Variants in DLGAP1 observed in about 807,000 individuals in gnomAD.
The protein encoded by DLGAP1 is DLG associated protein 1.
Under a neutral mutation model 90.8 loss-of-function variants are expected in DLGAP1, and 11 were observed. That is an observed-to-expected ratio of 0.12 (90% CI 0.08 to 0.20). The LOEUF (loss-of-function observed/expected upper bound fraction) is 0.20. DLGAP1 is among the 10% of genes least tolerant of loss of function. DLGAP1 has a pLI of 1.00. For synonymous variants in DLGAP1, 558 were observed against 540.7 expected, an observed-to-expected ratio of 1.03 and a Z score of -0.44; for missense variants, 1,050 against 1,333.8, an observed-to-expected ratio of 0.79 and a Z score of 3.31.
intron 1 of DLGAP1, among the ~76,000 whole-genome samples, chr18:4,249,493 A>G (rs2078732984): frequency 6.7e-6 from 1 of 150,150 alleles, no homozygotes; most frequent in African/African-American, 2.4e-5. Flanking sequence ...TGCATATTAG[A>G]TATGCTTACC....
At chr18:4,047,288 A>G (rs1034965732) in intron 2 of DLGAP1, among the ~76,000 whole-genome samples, 2 of 152,250 alleles carry the variant, frequency 1.3e-5, no homozygotes, top group Non-Finnish European at 2.9e-5. Flanking sequence ...ATCAATCTGT[A>G]TGTGGCAAAT....
chr18:3,778,729 G>A (rs886474531), intron 5 of DLGAP1, among the ~76,000 whole-genome samples: 2 of 152,098 alleles, frequency 1.3e-5, no homozygotes, highest in African/African-American at 2.4e-5. Context: ...GCATGGATAC[G>A]GGAAAGAGGA....
intron 1 of DLGAP1, among the ~76,000 whole-genome samples, chr18:4,198,135 G>A (rs989154957): frequency 6.6e-6 from 1 of 152,124 alleles, no homozygotes; most frequent in African/African-American, 2.4e-5. Context: ...GAGGCAGAAT[G>A]GCGTGAATCC....
At position 3,526,658 on chromosome 18, in the gene DLGAP1, C is replaced by T. The variant is rs1005037501; in HGVS notation, c.2479+7536G>A. The stretch of plus-strand genomic sequence containing the variant: ...AAGACAGATTTAGAAGTACAATCAC[C>T]GGTATTTCATCTTAGGGCCATTGAA... On this transcript the variant is annotated intron_variant, in intron 10 of 12. Coordinates refer to ENST00000315677, the MANE Select transcript of DLGAP1 (RefSeq NM_004746.4). The surrounding 1 kb of genome is among the most constrained non-coding windows in gnomAD (Gnocchi z 4.7). Among the ~76,000 whole-genome samples, 1 of 152,212 alleles carries T rather than the reference C, an allele frequency of 6.6e-6. No individual in the cohort carries two copies. The highest frequency in any genetic ancestry group is 2.4e-5 in the African/African-American group (1 of 41,440).
At chr18:4,040,575 T>A (rs1468146302) in intron 2 of DLGAP1, among the ~76,000 whole-genome samples, 2 of 152,214 alleles carry the variant, frequency 1.3e-5, no homozygotes, top group African/African-American at 4.8e-5. Flanking sequence ...ATTAGTAGTT[T>A]CTTTGCTATC....
intron 1 of DLGAP1, among the ~76,000 whole-genome samples, chr18:4,274,137 A>G (rs1390554715): frequency 1.3e-5 from 2 of 151,874 alleles, no homozygotes; most frequent in Non-Finnish European, 2.9e-5. Flanking sequence ...CTTTTTTCAC[A>G]AAAGCCCTTA....
intron 1 of DLGAP1, among the ~76,000 whole-genome samples, chr18:4,190,560 A>G (rs1427283458): frequency 1.3e-5 from 2 of 152,168 alleles, no homozygotes; most frequent in Admixed American, 1.3e-4. Flanking sequence ...TAGCTCATCA[A>G]TTGTAACAAA....
At chr18:3,788,132 A>T (rs999672882) in intron 5 of DLGAP1, among the ~76,000 whole-genome samples, 1 of 152,158 alleles carries the variant, frequency 6.6e-6, no homozygotes, top group Non-Finnish European at 1.5e-5. Context: ...ACACTTCTCC[A>T]TCCTCTTTTC....
intron 1 of DLGAP1, among the ~76,000 whole-genome samples, chr18:4,181,804 G>A (rs2077212952): frequency 6.6e-6 from 1 of 151,990 alleles, no homozygotes; most frequent in Non-Finnish European, 1.5e-5. Flanking sequence ...GGTAGATAAT[G>A]TTTTGTTTGC....
chr18:3,870,777 A>G (rs1365834099), intron 4 of DLGAP1, among the ~76,000 whole-genome samples: 2 of 152,180 alleles, frequency 1.3e-5, no homozygotes, highest in Non-Finnish European at 2.9e-5. Context: ...TGTCTTCAAA[A>G]TCTAACCAGG....
intron 1 of DLGAP1, among the ~76,000 whole-genome samples, chr18:4,404,679 T>C (rs976872215): frequency 2.6e-5 from 4 of 152,218 alleles, no homozygotes; most frequent in Non-Finnish European, 5.9e-5. Context: ...CTTTTCAAAG[T>C]CTTTCAAAGG....
At chr18:3,664,054 C>T (rs1428598407) in intron 7 of DLGAP1, among the ~76,000 whole-genome samples, 2 of 152,154 alleles carry the variant, frequency 1.3e-5, no homozygotes, top group Non-Finnish European at 2.9e-5. Flanking sequence ...GGAACTTACA[C>T]AATTGTTCTC....
intron 3 of DLGAP1, among the ~76,000 whole-genome samples, chr18:3,936,650 C>A (rs757257032): frequency 1.2e-4 from 18 of 152,138 alleles, no homozygotes; most frequent in Non-Finnish European, 2.2e-4. Context: ...ATCACCTTTG[C>A]ATAATTTCTG....
intron 1 of DLGAP1, among the ~76,000 whole-genome samples, chr18:4,235,508 C>G (rs994150035): frequency 2.6e-5 from 4 of 151,834 alleles, no homozygotes; most frequent in Admixed American, 2.6e-4. Context: ...TTGTTTGAAC[C>G]TGCTGTTTTT....
At chr18:4,239,814 T>A (rs1330081386) in intron 1 of DLGAP1, among the ~76,000 whole-genome samples, 1 of 152,192 alleles carries the variant, frequency 6.6e-6, no homozygotes, top group African/African-American at 2.4e-5. Context: ...AAAGAGAGAT[T>A]ACTACTTTTC....
intron 7 of DLGAP1, chr18:3,655,678 C>A: frequency 6.0e-6 from 1 of 168,028 alleles, no homozygotes; most frequent in Non-Finnish European, 1.3e-5. Flanking sequence ...TGCTCACATA[C>A]TTCCTGGGCA....
At chr18:4,116,927 A>G (rs2076072591) in intron 2 of DLGAP1, among the ~76,000 whole-genome samples, 1 of 152,170 alleles carries the variant, frequency 6.6e-6, no homozygotes, top group South Asian at 2.1e-4. Flanking sequence ...TATGGGATGA[A>G]GTGTTTCTCC....
In DLGAP1 at chr18:3,581,664, G is replaced by GAA. The variant is rs71159093; in HGVS notation, c.1965+209_1965+210dup. On this transcript the variant is annotated intron_variant, in intron 8 of 12. Coordinates refer to ENST00000315677, the MANE Select transcript of DLGAP1 (RefSeq NM_004746.4). The stretch of plus-strand genomic sequence containing the variant: ...TCAAATAAAAAAATCTTCTCACCAT[G>GAA]AAAAAAAAAAAAAAAGAAAAGAAAA... 2.4e-3 allele frequency among the ~76,000 whole-genome samples: 341 copies of GAA among 141,960 alleles called. 3 individuals carry two copies. The highest frequency in any genetic ancestry group is 4.7e-3 in the East Asian group (23 of 4,862). 93.1% of individuals were successfully genotyped at this position (141,960 alleles called of 152,430 possible).
At chr18:3,552,995 C>T (rs561423103) in intron 9 of DLGAP1, among the ~76,000 whole-genome samples, 1 of 152,060 alleles carries the variant, frequency 6.6e-6, no homozygotes, top group African/African-American at 2.4e-5. Flanking sequence ...TTCTCTTCCT[C>T]CTTGGGAGTT....
Sources: gnomAD v4.1 joint callset for allele counts (sites outside exome capture counted in the v4.1 genomes callset) on GRCh38, gnomAD v4.1.1 for gene constraint, Gnocchi (gnomAD v3.1) non-coding constraint, MANE v1.5 for transcripts, NCBI Gene and HGNC (gene_info 2026-07-23, HGNC 2026-07-21) for gene names.